Variants in NTM observed in about 807,000 individuals in gnomAD.
The protein encoded by NTM is IgLON family member 2.
In NTM, 13 loss-of-function variants were observed where a neutral mutation model predicts 42.1. The ratio of observed to expected loss-of-function variants is 0.31; its 90% CI spans 0.20 to 0.49. NTM has a LOEUF of 0.49. Ranked by LOEUF, NTM falls within the 20% of genes least tolerant of loss-of-function variation. The pLI, the probability that NTM is intolerant of heterozygous loss-of-function variation, is 0.99. For missense variants in NTM, 373 were observed against 452.8 expected (o/e 0.82, Z 1.60); for synonymous variants, 187 against 179.2 (o/e 1.04, Z -0.35).
At chr11:131,591,430 G>A (rs2059360245) in intron 1 of NTM, among the ~76,000 whole-genome samples, 1 of 152,202 alleles carries the variant, frequency 6.6e-6, no homozygotes, top group African/African-American at 2.4e-5. Flanking sequence ...TGAGCTGGGG[G>A]AGATGGAAGG....
At chr11:131,527,564 G>GA (rs2050678106) in intron 1 of NTM, among the ~76,000 whole-genome samples, 1 of 152,200 alleles carries the variant, frequency 6.6e-6, no homozygotes, top group African/African-American at 2.4e-5. Flanking sequence ...TGGGGATAGA[G>GA]AAGGAGGAAA....
At chr11:131,848,924 G>T (rs1729161665) in intron 1 of NTM, among the ~76,000 whole-genome samples, 1 of 152,184 alleles carries the variant, frequency 6.6e-6, no homozygotes, top group Non-Finnish European at 1.5e-5. Context: ...AATGTTTCCA[G>T]AAAAGGGTAT....
chr11:131,394,659 C>T (rs140122367), intron 1 of NTM, among the ~76,000 whole-genome samples: 189 of 152,256 alleles, frequency 1.2e-3, no homozygotes, highest in African/African-American at 4.2e-3. Context: ...TCAGGACCAA[C>T]GAAGGCTATC....
At chr11:131,507,162 T>C (rs564690760) in intron 1 of NTM, among the ~76,000 whole-genome samples, 91 of 152,322 alleles carry the variant, frequency 6.0e-4, no homozygotes, top group African/African-American at 2.1e-3. Flanking sequence ...TGGCAGGCCT[T>C]AAACAACTTG....
chr11:132,303,396 C>T (rs1271743311), intron 4 of NTM, among the ~76,000 whole-genome samples: 16 of 152,220 alleles, frequency 1.1e-4, no homozygotes, highest in Admixed American at 1.0e-3. Flanking sequence ...AGCATCACTC[C>T]TATCACATGG....
At chr11:131,938,586 G>T (rs1163000708) in intron 2 of NTM, among the ~76,000 whole-genome samples, 1 of 152,192 alleles carries the variant, frequency 6.6e-6, no homozygotes, top group Non-Finnish European at 1.5e-5. Context: ...GCAAGAGAAT[G>T]GCTTGGTCAT....
chr11:131,749,782 T>A (rs888488780), intron 1 of NTM, among the ~76,000 whole-genome samples: 2 of 152,136 alleles, frequency 1.3e-5, no homozygotes, highest in South Asian at 4.1e-4. Context: ...CTATTTTTAG[T>A]AGAGACAGGG....
intron 2 of NTM, among the ~76,000 whole-genome samples, chr11:131,973,671 G>A (rs1469191191): frequency 2.0e-5 from 3 of 152,150 alleles, no homozygotes; most frequent in Non-Finnish European, 4.4e-5. Flanking sequence ...ACAAAAATTA[G>A]CCAGATGTGG....
chr11:131,395,945 A>T (rs1371695177), intron 1 of NTM, among the ~76,000 whole-genome samples: 2 of 152,202 alleles, frequency 1.3e-5, no homozygotes, highest in African/African-American at 4.8e-5. Flanking sequence ...AGGCTCAAGC[A>T]ACAACCTGTG....
chr11:132,171,181 G>A (rs533179755), intron 3 of NTM, among the ~76,000 whole-genome samples: 1 of 152,190 alleles, frequency 6.6e-6, no homozygotes, highest in Non-Finnish European at 1.5e-5. Flanking sequence ...TTTTCCCCAG[G>A]GCAGCACAAG....
At chr11:131,645,763 C>T (rs2065698941) in intron 1 of NTM, among the ~76,000 whole-genome samples, 1 of 152,062 alleles carries the variant, frequency 6.6e-6, no homozygotes, top group Non-Finnish European at 1.5e-5. Context: ...AATGTTCTGC[C>T]TTTCATACTT....
intron 7 of NTM, among the ~76,000 whole-genome samples, chr11:132,325,759 A>C (rs2095665885): frequency 6.6e-6 from 1 of 152,228 alleles, no homozygotes; most frequent in Non-Finnish European, 1.5e-5. Flanking sequence ...AAAGACTTGG[A>C]ACCAACCTAA....
chr11:131,483,126 T>G (rs894811815), intron 1 of NTM, among the ~76,000 whole-genome samples: 1 of 152,228 alleles, frequency 6.6e-6, no homozygotes, highest in Non-Finnish European at 1.5e-5. Context: ...GGTTCTGGGA[T>G]GACATGAGTT....
At chr11:131,973,895 T>C (rs930173193) in intron 2 of NTM, among the ~76,000 whole-genome samples, 1 of 152,146 alleles carries the variant, frequency 6.6e-6, no homozygotes, top group Admixed American at 6.6e-5. Context: ...TTGGACTGTG[T>C]GGTTCACTCA....
chr11:132,315,388 C>G (rs529197099), intron 7 of NTM, among the ~76,000 whole-genome samples: 45 of 152,282 alleles, frequency 3.0e-4, no homozygotes, highest in African/African-American at 1.0e-3. Context: ...TGCCACCAGG[C>G]AGGGCCCTGG....
In NTM at chr11:132,134,747, A is replaced by ATC. The variant is rs1360180567; in HGVS notation, c.168-11534_168-11533insCT. On this transcript the variant is annotated intron_variant, in intron 2 of 8. Transcript: ENST00000683400. ...TATATATATATATATATATATATATATATATATATATATCTCACATTTTCT... is the reference window on the plus strand; with the variant it reads ...TATATATATATATATATATATATATATCTATATATATATATCTCACATTTTCT... Among the ~76,000 whole-genome samples the ATC allele has an allele frequency of 7.9e-4, 71 of 89,664 alleles. 1 individual carries two copies. Among genetic ancestry groups the ATC allele is most frequent in the African/African-American group, 3.1e-3 (57 of 18,262 alleles). The allele number at this position is 89,664 out of a possible 152,430, so 58.8% of individuals were successfully genotyped here. A position where few individuals can be genotyped will look rare whatever the true frequency, so the allele number is the denominator to read the frequency against.
At chr11:131,836,603 C>T (rs570911508) in intron 1 of NTM, among the ~76,000 whole-genome samples, 14 of 152,292 alleles carry the variant, frequency 9.2e-5, no homozygotes, top group African/African-American at 3.4e-4. Context: ...TGAGCACATT[C>T]CCCTCTGTAT....
Position 132,070,420 on chromosome 11 carries a change from C to T in NTM, c.168-75862C>T, listed in dbSNP as rs113205838. ...AAGTAAGTTAACACGTCAAACTGAC[C>T]GTCACAGGTTAGTTAACACGTCACA... On this transcript the variant is annotated intron_variant, in intron 2 of 8. Coordinates refer to ENST00000683400, the MANE Select transcript of NTM (RefSeq NM_001352005.2). 9.5e-3 allele frequency among the ~76,000 whole-genome samples: 1,225 copies of T among 129,522 alleles called. 80 individuals are homozygous for T. The highest frequency in any genetic ancestry group is 0.032 in the African/African-American group (1,096 of 34,182). 85.0% of individuals were successfully genotyped at this position (129,522 alleles called of 152,430 possible).
chr11:132,036,436 C>T (rs887711048), intron 2 of NTM, among the ~76,000 whole-genome samples: 2 of 152,134 alleles, frequency 1.3e-5, no homozygotes, highest in African/African-American at 4.8e-5. Flanking sequence ...GTCACTGCCT[C>T]TTGTAATTTG....
Sources: gnomAD v4.1 joint callset for allele counts (sites outside exome capture counted in the v4.1 genomes callset) on GRCh38, gnomAD v4.1.1 for gene constraint, MANE v1.5 for transcripts, NCBI Gene and HGNC (gene_info 2026-07-23, HGNC 2026-07-21) for gene names.